ZCCHC10: variants seen among roughly 807,000 people sequenced by gnomAD.
ZCCHC10 encodes the protein zinc finger CCHC domain-containing protein 10.
Under a neutral mutation model 19.5 loss-of-function variants are expected in ZCCHC10, and 16 were observed. The observed-to-expected ratio is 0.82, with a 90% CI of 0.56 to 1.25. The LOEUF (loss-of-function observed/expected upper bound fraction) is 1.25, where lower values mean the gene tolerates loss of function less well. Among genes scored for constraint, ZCCHC10 ranks in the 50% most tolerant of loss-of-function variants. ZCCHC10 has a pLI of 0.00. For synonymous variants in ZCCHC10, 67 were observed against 72.5 expected, an observed-to-expected ratio of 0.92 and a Z score of 0.38; for missense variants, 197 against 201.0, an observed-to-expected ratio of 0.98 and a Z score of 0.12.
intron 2 of ZCCHC10, among the ~76,000 whole-genome samples, chr5:133,021,893 T>C (rs1012037792): frequency 2.6e-5 from 4 of 151,634 alleles, no homozygotes; most frequent in African/African-American, 7.3e-5. Context: ...TCCCAGGTTA[T>C]AGTGATTCTC....
chr5:133,012,929 T>A (rs1334141520), intron 2 of ZCCHC10, among the ~76,000 whole-genome samples: 2 of 151,460 alleles, frequency 1.3e-5, no homozygotes, highest in Admixed American at 6.6e-5. Flanking sequence ...CGGGTGCCTG[T>A]AGTCCCAGCT....
intron 2 of ZCCHC10, among the ~76,000 whole-genome samples, chr5:133,016,938 C>A (rs1057006919): frequency 6.6e-6 from 1 of 151,730 alleles, no homozygotes; most frequent in Admixed American, 6.6e-5. Flanking sequence ...CCAGGCAGGC[C>A]CCCCCCAGAC....
intron 2 of ZCCHC10, 60 bp downstream of exon 2, chr5:133,022,781 T>C: frequency 2.2e-6 from 1 of 455,592 alleles, no homozygotes; most frequent in Non-Finnish European, 3.9e-6. Flanking sequence ...ATGCCTTGTA[T>C]GAGGACACAA....
In ZCCHC10 at chr5:132,998,857, G is replaced by C; in HGVS notation, c.312-7C>G. 1 of 1,613,474 alleles carries C rather than the reference G, an allele frequency of 6.2e-7. No individual in the cohort carries two copies. The highest frequency in any genetic ancestry group is 1.1e-5 in the South Asian group (1 of 90,954). Reference sequence around the variant, plus strand: ...ACTGGTTACACTCTTAGACCTATTAGACAATACAGAGTTATATACATGGGA... The same window carrying C: ...ACTGGTTACACTCTTAGACCTATTACACAATACAGAGTTATATACATGGGA... On this transcript the variant is annotated splice_region_variant and splice_polypyrimidine_tract_variant and intron_variant, in intron 4 of 4. Transcript: ENST00000509437.
chr5:133,019,723 G>C (rs1044234450), intron 2 of ZCCHC10, among the ~76,000 whole-genome samples: 3 of 152,052 alleles, frequency 2.0e-5, no homozygotes, highest in Admixed American at 6.6e-5. Context: ...GGGAGGCGAA[G>C]GCGGGTGGAT....
intron 4 of ZCCHC10, among the ~76,000 whole-genome samples, chr5:132,999,725 G>C (rs908722177): frequency 6.6e-6 from 1 of 152,166 alleles, no homozygotes; most frequent in African/African-American, 2.4e-5. Context: ...ATAAATTGCA[G>C]TAAGAGGCTT....
chr5:133,004,581 C>T (rs376979498), intron 3 of ZCCHC10, among the ~76,000 whole-genome samples: 8 of 152,120 alleles, frequency 5.3e-5, no homozygotes, highest in Non-Finnish European at 4.4e-5. Flanking sequence ...CTCCGCCTTC[C>T]GGGTTCACGC....
chr5:133,019,006 C>T (rs1252330499), intron 2 of ZCCHC10: 8 of 432,794 alleles, frequency 1.8e-5, no homozygotes, highest in South Asian at 9.8e-5. Flanking sequence ...TAGCTTGGGA[C>T]CCTAGTCATT....
At chr5:133,001,758 A>G (rs1040645002) in intron 3 of ZCCHC10, among the ~76,000 whole-genome samples, 8 of 152,022 alleles carry the variant, frequency 5.3e-5, no homozygotes, top group African/African-American at 1.9e-4. Context: ...CACATGGCCA[A>G]TGTTTTTATA....
chr5:133,010,298 C>T (rs1763413984), intron 2 of ZCCHC10, among the ~76,000 whole-genome samples: 1 of 152,074 alleles, frequency 6.6e-6, no homozygotes, highest in Non-Finnish European at 1.5e-5. Context: ...ATCCACTTGC[C>T]TCAGCCTCAC....
chr5:132,998,115 T>C lies in ZCCHC10; in HGVS notation c.*468A>G, dbSNP rs1762534383. 1 of 155,138 alleles carries C rather than the reference T, an allele frequency of 6.4e-6. No homozygotes were observed. The highest frequency in any genetic ancestry group is 2.4e-5 in the African/African-American group (1 of 41,404). 9.6% of individuals were successfully genotyped at this position (155,138 alleles called of 1,614,324 possible). Reference sequence around the variant, plus strand: ...AACTTTCTGAACATAAATGTAAAAATAGAGCACATTTATTAATAGTAGGAA... The same window carrying C: ...AACTTTCTGAACATAAATGTAAAAACAGAGCACATTTATTAATAGTAGGAA... On this transcript the variant is annotated 3_prime_UTR_variant, in exon 5 of 5. Transcript: ENST00000509437.
At chr5:133,007,399 C>T (rs1763190014) in intron 2 of ZCCHC10, among the ~76,000 whole-genome samples, 1 of 152,004 alleles carries the variant, frequency 6.6e-6, no homozygotes, top group African/African-American at 2.4e-5. Context: ...AAAAATTAGC[C>T]AAGCGTGGTG....
intron 1 of ZCCHC10, among the ~76,000 whole-genome samples, chr5:133,025,634 G>A (rs923132977): frequency 1.3e-5 from 2 of 149,954 alleles, no homozygotes; most frequent in African/African-American, 4.9e-5. Context: ...TTTCAGTTCT[G>A]TAAAAAGTAA....
At chr5:133,025,958 G>A (rs1764674557) in intron 1 of ZCCHC10, among the ~76,000 whole-genome samples, 1 of 152,234 alleles carries the variant, frequency 6.6e-6, no homozygotes, top group African/African-American at 2.4e-5. Context: ...GCACAGAACG[G>A]TAGGAACTAA....
chr5:132,998,920 T>A (rs561705029), intron 4 of ZCCHC10, 70 bp from the exon 5 acceptor site: 24 of 1,551,264 alleles, frequency 1.5e-5, no homozygotes, highest in Non-Finnish European at 2.1e-5. Flanking sequence ...CAATTTCATT[T>A]TTTTTTTCTT....
chr5:132,997,222 T>C lies in ZCCHC10; in HGVS notation c.*1361A>G, dbSNP rs1762489809. On this transcript the variant is annotated 3_prime_UTR_variant, in exon 5 of 5. Coordinates refer to ENST00000509437, the MANE Select transcript of ZCCHC10 (RefSeq NM_001300816.3). ...ATTTACAACCATTGAACACAGATGG[T>C]TTTGTAAAACTGACAATTACAGGCT... 2 of 152,188 alleles carry C rather than the reference T, an allele frequency of 1.3e-5. No individual in the cohort carries two copies. Among genetic ancestry groups the C allele is most frequent in the Admixed American group, 1.3e-4 (2 of 15,262 alleles). 9.4% of individuals were successfully genotyped at this position (152,188 alleles called of 1,614,324 possible). A position where few individuals can be genotyped will look rare whatever the true frequency, so the allele number is the denominator to read the frequency against.
intron 2 of ZCCHC10, among the ~76,000 whole-genome samples, chr5:133,010,635 GT>G (rs1469604380): frequency 2.0e-5 from 3 of 152,018 alleles, no homozygotes; most frequent in African/African-American, 7.2e-5. Flanking sequence ...ACAAAAAACA[GT>G]TTTCGTATTT....
chr5:133,002,750 C>T (rs1229353536), intron 3 of ZCCHC10, among the ~76,000 whole-genome samples: 2 of 151,710 alleles, frequency 1.3e-5, no homozygotes, highest in South Asian at 2.1e-4. Flanking sequence ...GGTGGAGGCT[C>T]GTTCTGTCGC....
intron 2 of ZCCHC10, among the ~76,000 whole-genome samples, chr5:133,008,986 T>A (rs1388804795): frequency 2.0e-5 from 3 of 151,914 alleles, no homozygotes; most frequent in Non-Finnish European, 4.4e-5. Context: ...GCACTTCAAC[T>A]TGGGTGACAG....
Sources: allele counts gnomAD v4.1 joint callset (sites outside exome capture counted in the v4.1 genomes callset), GRCh38; gene constraint gnomAD v4.1.1; transcripts MANE v1.5; gene names NCBI Gene and HGNC (gene_info 2026-07-23, HGNC 2026-07-21).